The following THRB variants were observed in gnomAD, a reference collection of about 807,000 sequenced individuals.
The protein encoded by THRB is nuclear receptor subfamily 1 group A member 2.
A neutral mutation model predicts 47.8 loss-of-function variants in THRB; 12 were observed. The ratio of observed to expected loss-of-function variants is 0.25; its 90% CI spans 0.16 to 0.41. THRB has a LOEUF of 0.41. Ranked by LOEUF, THRB falls within the 10% of genes least tolerant of loss-of-function variation. THRB has a pLI of 1.00. For missense variants in THRB, 348 were observed against 589.2 expected, an observed-to-expected ratio of 0.59 and a Z score of 4.24; for synonymous variants, 218 against 212.2, an observed-to-expected ratio of 1.03 and a Z score of -0.24.
intron 3 of THRB, among the ~76,000 whole-genome samples, chr3:24,233,445 A>G (rs985301108): frequency 1.3e-5 from 2 of 151,508 alleles, no homozygotes; most frequent in Non-Finnish European, 2.9e-5. Context: ...CAACATAGTG[A>G]GACCCTGTCT....
intron 1 of THRB, among the ~76,000 whole-genome samples, chr3:24,452,044 C>A (rs1019935513): frequency 2.0e-5 from 3 of 151,966 alleles, no homozygotes; most frequent in Admixed American, 6.6e-5. Context: ...CTAGATTGCC[C>A]GAGGCTGAGG....
At chr3:24,216,794 T>G (rs1013645347) in intron 4 of THRB, among the ~76,000 whole-genome samples, 3 of 152,212 alleles carry the variant, frequency 2.0e-5, no homozygotes, top group African/African-American at 7.2e-5. Flanking sequence ...AATGTTCTGA[T>G]TTATCCCAAT....
intron 1 of THRB, among the ~76,000 whole-genome samples, chr3:24,375,704 A>G (rs530419715): frequency 1.8e-4 from 28 of 151,980 alleles, no homozygotes; most frequent in African/African-American, 6.7e-4. Context: ...CAACATCATC[A>G]CAGCCCTGAA....
At chr3:24,436,035 G>T (rs2070909870) in intron 1 of THRB, among the ~76,000 whole-genome samples, 1 of 152,128 alleles carries the variant, frequency 6.6e-6, no homozygotes, top group Non-Finnish European at 1.5e-5. Flanking sequence ...AATTAAAAAT[G>T]ACACTTACGT....
Position 24,122,983 on chromosome 3 carries a change from C to A in THRB, c.1287G>T (p.Arg429=), listed in dbSNP as rs1410604651. 2.5e-6 allele frequency: 4 copies of A among 1,614,106 alleles called. No homozygotes were observed. The African/African-American group carries it at 5.3e-5, about 22-fold the overall frequency. The change falls in exon 11 of 11, where the codon CGG becomes CGT. Residue 429 remains arginine, a synonymous_variant. Transcript: ENST00000646209. The stretch of plus-strand genomic sequence containing the variant: ...GGCTGGCATGGCAGGCTCCTATCAT[C>A]CGCAGATCTGTCACCTTCATCAGGA... The part of the protein sequence containing the change: ...PKLLMKVTDL[R]MIGACHASRF...
chr3:24,188,031 G>A (rs1190495253), intron 5 of THRB, among the ~76,000 whole-genome samples: 2 of 152,082 alleles, frequency 1.3e-5, no homozygotes, highest in Non-Finnish European at 2.9e-5. Context: ...CTTGAGGAAG[G>A]ACTTTAATAA....
intron 4 of THRB, among the ~76,000 whole-genome samples, chr3:24,219,858 C>G (rs1050919773): frequency 2.0e-5 from 3 of 152,130 alleles, no homozygotes; most frequent in African/African-American, 7.2e-5. Flanking sequence ...CTAAATTTCC[C>G]AGTGATTCTG....
intron 1 of THRB, among the ~76,000 whole-genome samples, chr3:24,356,429 T>C (rs1270360427): frequency 1.3e-5 from 2 of 152,136 alleles, no homozygotes; most frequent in African/African-American, 2.4e-5. Flanking sequence ...GAATAGTACA[T>C]GCTCACAGCC....
chr3:24,384,254 A>C (rs1412007536), intron 1 of THRB, among the ~76,000 whole-genome samples: 1 of 152,150 alleles, frequency 6.6e-6, no homozygotes, highest in Admixed American at 6.6e-5. Context: ...AGCCCTGTAC[A>C]TTAAAAGGAA....
chr3:24,489,341 T>C (rs2125946225), intron 1 of THRB, among the ~76,000 whole-genome samples: 1 of 152,356 alleles, frequency 6.6e-6, no homozygotes, highest in South Asian at 2.1e-4. Flanking sequence ...TATCACAGAT[T>C]ATCTTCTTGC....
intron 1 of THRB, among the ~76,000 whole-genome samples, chr3:24,407,391 G>A (rs966455905): frequency 2.6e-5 from 4 of 151,512 alleles, no homozygotes; most frequent in South Asian, 2.1e-4. Context: ...TTTCATGCGC[G>A]ATTCATTCCC....
chr3:24,483,457 C>T (rs1696781515), intron 1 of THRB, among the ~76,000 whole-genome samples: 1 of 151,784 alleles, frequency 6.6e-6, no homozygotes, highest in Non-Finnish European at 1.5e-5. Context: ...TCAGGTCTGG[C>T]CTTTGCTTTC....
chr3:24,168,334 G>C (rs1048190800), intron 5 of THRB, among the ~76,000 whole-genome samples: 2 of 151,896 alleles, frequency 1.3e-5, no homozygotes, highest in African/African-American at 4.8e-5. Context: ...TCACAAATGG[G>C]GTAAGCTTCA....
chr3:24,165,477 C>T (rs1341456781), intron 5 of THRB: 6 of 601,044 alleles, frequency 1.0e-5, no homozygotes, highest in South Asian at 8.4e-5. Context: ...ACACATGAAA[C>T]GCGAAGGGAA....
chr3:24,402,598 G>C (rs1404746202), intron 1 of THRB, among the ~76,000 whole-genome samples: 1 of 144,194 alleles, frequency 6.9e-6, no homozygotes, highest in Non-Finnish European at 1.5e-5. Flanking sequence ...CACTCATTTT[G>C]ATAAAATATA....
intron 1 of THRB, among the ~76,000 whole-genome samples, chr3:24,441,216 C>T (rs2071494789): frequency 6.6e-6 from 1 of 152,200 alleles, no homozygotes; most frequent in Admixed American, 6.5e-5. Flanking sequence ...AGGGGAAACA[C>T]TCTTCATTCT....
At chr3:24,231,538 T>C (rs1239927688) in intron 3 of THRB, among the ~76,000 whole-genome samples, 2 of 152,174 alleles carry the variant, frequency 1.3e-5, no homozygotes, top group African/African-American at 2.4e-5. Flanking sequence ...ATAACAGATA[T>C]AGTATTACTA....
At chr3:24,366,465 G>A (rs1448615350) in intron 1 of THRB, among the ~76,000 whole-genome samples, 1 of 152,156 alleles carries the variant, frequency 6.6e-6, no homozygotes, top group Non-Finnish European at 1.5e-5. Flanking sequence ...CTTCACTCAT[G>A]TCTTTGCCCA....
rs150155264 is a variant in THRB, at chr3:24,279,695, A to G, written c.-43+17531T>C. On this transcript the variant is annotated intron_variant, in intron 3 of 10. Transcript: ENST00000646209. ...CAGGCGTGAGCCACCGTGCCCGGCC[A>G]AATGCAATGAGTTCTTGTTCTACTT... 2.6e-3 allele frequency among the ~76,000 whole-genome samples: 394 copies of G among 152,042 alleles called. 9 individuals are homozygous for G. The highest frequency in any genetic ancestry group is 0.025 in the East Asian group (128 of 5,166).
Sources: gnomAD v4.1 joint callset for allele counts (sites outside exome capture counted in the v4.1 genomes callset) on GRCh38, gnomAD v4.1.1 for gene constraint, MANE v1.5 for transcripts, NCBI Gene and HGNC (gene_info 2026-07-23, HGNC 2026-07-21) for gene names.